Variants in ASIC2 observed in about 807,000 individuals in gnomAD.
The protein encoded by ASIC2 is acid sensing ion channel subunit 2, also known as acid-sensing ion channel 2.
Under a neutral mutation model 57.3 loss-of-function variants are expected in ASIC2, and 25 were observed. The ratio of observed to expected loss-of-function variants is 0.44; its 90% CI spans 0.32 to 0.61. ASIC2 has a LOEUF of 0.61. ASIC2 is among the 20% of genes least tolerant of loss of function. The probability of loss-of-function intolerance (pLI) is 0.06; values close to 1 mark genes in which losing one functional copy is unlikely to be tolerated. For missense variants in ASIC2, 641 were observed against 738.1 expected, an observed-to-expected ratio of 0.87 and a Z score of 1.52; for synonymous variants, 319 against 307.5, an observed-to-expected ratio of 1.04 and a Z score of -0.39.
At chr17:33,566,612 T>C (rs956716988) in intron 1 of ASIC2, among the ~76,000 whole-genome samples, 11 of 152,312 alleles carry the variant, frequency 7.2e-5, no homozygotes, top group African/African-American at 2.4e-4. Context: ...TATTCCCCCT[T>C]ACAGCAGAAC....
At chr17:33,455,358 A>G (rs1912411369) in intron 1 of ASIC2, among the ~76,000 whole-genome samples, 1 of 152,084 alleles carries the variant, frequency 6.6e-6, no homozygotes, top group African/African-American at 2.4e-5. Context: ...CTCTCCCTCC[A>G]GTAGTCCCGT....
chr17:33,924,593 G>T (rs1455360547), intron 1 of ASIC2, among the ~76,000 whole-genome samples: 2 of 152,180 alleles, frequency 1.3e-5, no homozygotes, highest in East Asian at 3.9e-4. Context: ...CTAGGAACTT[G>T]CCTAGTGTGA....
At chr17:33,501,722 T>G (rs1208945433) in intron 1 of ASIC2, among the ~76,000 whole-genome samples, 1 of 152,240 alleles carries the variant, frequency 6.6e-6, no homozygotes, top group Non-Finnish European at 1.5e-5. Flanking sequence ...GCATTCTGTT[T>G]AACTAGTGTT....
chr17:33,556,068 C>A (rs1406838121), intron 1 of ASIC2, among the ~76,000 whole-genome samples: 2 of 152,204 alleles, frequency 1.3e-5, no homozygotes, highest in East Asian at 3.8e-4. Flanking sequence ...GCAATGTGAT[C>A]CCACAGCAAT....
chr17:33,427,596 G>A (rs1911261118), intron 1 of ASIC2, among the ~76,000 whole-genome samples: 1 of 152,144 alleles, frequency 6.6e-6, no homozygotes, highest in African/African-American at 2.4e-5. Context: ...TATCCCAGGA[G>A]TTTAAGGCTT....
At chr17:33,870,518 GA>G (rs1271691254) in intron 1 of ASIC2, among the ~76,000 whole-genome samples, 1 of 152,002 alleles carries the variant, frequency 6.6e-6, no homozygotes, top group Admixed American at 6.5e-5. Context: ...TGAATTTGGT[GA>G]GGGTACGGGA....
intron 3 of ASIC2, among the ~76,000 whole-genome samples, chr17:33,033,598 G>A (rs1002986742): frequency 4.6e-5 from 7 of 152,226 alleles, no homozygotes; most frequent in Non-Finnish European, 1.0e-4. Flanking sequence ...TCCTCCCACT[G>A]CCTGGCCTCT....
intron 1 of ASIC2, among the ~76,000 whole-genome samples, chr17:34,141,930 T>C (rs1474191832): frequency 1.3e-5 from 2 of 152,314 alleles, no homozygotes; most frequent in South Asian, 4.1e-4. Context: ...CAGCCTTGAC[T>C]GCACAGAGCT....
chr17:33,900,491 T>C (rs1270932810), intron 1 of ASIC2, among the ~76,000 whole-genome samples: 2 of 152,226 alleles, frequency 1.3e-5, no homozygotes, highest in African/African-American at 2.4e-5. Context: ...CTGTGGATTA[T>C]TTATTACTGC....
At chr17:33,259,065 T>C (rs958033383) in intron 1 of ASIC2, among the ~76,000 whole-genome samples, 1 of 152,190 alleles carries the variant, frequency 6.6e-6, no homozygotes, top group African/African-American at 2.4e-5. Flanking sequence ...ATACTCATAT[T>C]TGCCTTAGCA....
chr17:33,947,464 G>A (rs1904414800), intron 1 of ASIC2, among the ~76,000 whole-genome samples: 1 of 152,196 alleles, frequency 6.6e-6, no homozygotes, highest in South Asian at 2.1e-4. Flanking sequence ...TGGGAACATA[G>A]AAGAGGAATT....
At chr17:33,720,713 C>T (rs1479063539) in intron 1 of ASIC2, among the ~76,000 whole-genome samples, 1 of 152,208 alleles carries the variant, frequency 6.6e-6, no homozygotes, top group Non-Finnish European at 1.5e-5. Context: ...TTAGGTGTTA[C>T]TGCGGTTCAA....
chr17:33,621,094 C>T (rs776658018), intron 1 of ASIC2, among the ~76,000 whole-genome samples: 9 of 152,194 alleles, frequency 5.9e-5, no homozygotes, highest in Non-Finnish European at 8.8e-5. Flanking sequence ...TTTTCAGGGC[C>T]CTTTCTCAGC....
intron 1 of ASIC2, among the ~76,000 whole-genome samples, chr17:33,599,297 C>T (rs530018339): frequency 6.6e-5 from 10 of 152,300 alleles, no homozygotes; most frequent in South Asian, 6.2e-4. Flanking sequence ...GCCCTCAACA[C>T]ACAACCCTGA....
chr17:33,802,756 G>A (rs531602316), intron 1 of ASIC2, among the ~76,000 whole-genome samples: 195 of 152,364 alleles, frequency 1.3e-3, no homozygotes, highest in African/African-American at 4.6e-3. Flanking sequence ...TCTGCCGTTG[G>A]CCTAGAGGCC....
At chr17:33,199,444 C>T (rs951635447) in intron 1 of ASIC2, among the ~76,000 whole-genome samples, 4 of 152,134 alleles carry the variant, frequency 2.6e-5, no homozygotes, top group Non-Finnish European at 5.9e-5. Context: ...GGTTCAAATC[C>T]TAGCTCCCTA....
intron 1 of ASIC2, among the ~76,000 whole-genome samples, chr17:33,426,854 T>C (rs531444633): frequency 1.9e-4 from 29 of 152,126 alleles, no homozygotes; most frequent in South Asian, 2.1e-4. Flanking sequence ...AATGATATGA[T>C]GGGAAAAAAC....
chr17:33,089,789 A>T (rs973679980), intron 2 of ASIC2, among the ~76,000 whole-genome samples: 1 of 152,192 alleles, frequency 6.6e-6, no homozygotes, highest in African/African-American at 2.4e-5. Context: ...TTGGGGCTGC[A>T]ATGGCCAAGT....
At chr17:33,319,963 T>A in intron 1 of ASIC2, among the ~76,000 whole-genome samples, 1 of 152,172 alleles carries the variant, frequency 6.6e-6, no homozygotes, top group East Asian at 1.9e-4. Context: ...GGAAAAATCT[T>A]TGGGGAAGGA....
Sources: allele counts gnomAD v4.1 joint callset (sites outside exome capture counted in the v4.1 genomes callset), GRCh38; gene constraint gnomAD v4.1.1; transcripts MANE v1.5; gene names NCBI Gene and HGNC (gene_info 2026-07-23, HGNC 2026-07-21).